The following SGCD variants were observed in gnomAD, a reference collection of about 807,000 sequenced individuals.
The protein encoded by SGCD is delta-sarcoglycan.
Under a neutral mutation model 36.6 loss-of-function variants are expected in SGCD, and 18 were observed. The observed-to-expected ratio is 0.49, with a 90% CI of 0.34 to 0.73. The LOEUF (loss-of-function observed/expected upper bound fraction) is 0.73. Ranked by LOEUF, SGCD falls within the 30% of genes least tolerant of loss-of-function variation. The pLI, the probability that SGCD is intolerant of heterozygous loss-of-function variation, is 0.01. For missense variants in SGCD, 387 were observed against 346.7 expected, an observed-to-expected ratio of 1.12 and a Z score of -0.92; for synonymous variants, 133 against 130.6, an observed-to-expected ratio of 1.02 and a Z score of -0.12.
At chr5:156,256,482 A>G (rs762253154) in intron 3 of SGCD, among the ~76,000 whole-genome samples, 21 of 152,190 alleles carry the variant, frequency 1.4e-4, no homozygotes, top group Non-Finnish European at 2.6e-4. Context: ...CGACCAAAGC[A>G]TCCAGTTGTC....
At chr5:156,343,598 C>A (rs761435427) in intron 2 of SGCD, among the ~76,000 whole-genome samples, 50 of 152,152 alleles carry the variant, frequency 3.3e-4, no homozygotes, top group Non-Finnish European at 4.9e-4. Flanking sequence ...TTTGTGTTGA[C>A]AATTAGTAAT....
chr5:156,369,270 T>G (rs1404616499), intron 3 of SGCD, among the ~76,000 whole-genome samples: 1 of 152,216 alleles, frequency 6.6e-6, no homozygotes, highest in Non-Finnish European at 1.5e-5. Context: ...TTGTTTTTCT[T>G]TATGTCCCTT....
At chr5:156,227,369 A>C (rs1449928469) in intron 3 of SGCD, among the ~76,000 whole-genome samples, 1 of 151,864 alleles carries the variant, frequency 6.6e-6, no homozygotes, top group Non-Finnish European at 1.5e-5. Flanking sequence ...TCCTTTCTCC[A>C]CTTCATGTTT....
intron 4 of SGCD, among the ~76,000 whole-genome samples, chr5:156,547,056 G>T (rs1758603541): frequency 6.6e-6 from 1 of 152,144 alleles, no homozygotes; most frequent in African/African-American, 2.4e-5. Flanking sequence ...CTATTTTGAA[G>T]TAGTTGTATT....
intron 4 of SGCD, among the ~76,000 whole-genome samples, chr5:156,540,354 G>A (rs987319455): frequency 6.6e-6 from 1 of 151,910 alleles, no homozygotes; most frequent in Non-Finnish European, 1.5e-5. Flanking sequence ...TCATTTAGAG[G>A]GGAAGTAAAA....
At chr5:156,723,298 C>G (rs1385119012) in intron 7 of SGCD, among the ~76,000 whole-genome samples, 2 of 152,216 alleles carry the variant, frequency 1.3e-5, no homozygotes. Context: ...CTCTGTCACA[C>G]ATTCATTCAG....
chr5:156,554,070 T>G (rs1468376357), intron 4 of SGCD, among the ~76,000 whole-genome samples: 1 of 152,138 alleles, frequency 6.6e-6, no homozygotes, highest in Non-Finnish European at 1.5e-5. Context: ...ATAAGACATT[T>G]TGAGACCAGG....
rs114443672 is a variant in SGCD, at chr5:156,757,243, C to T, written c.576-338C>T. On this transcript the variant is annotated intron_variant, in intron 7 of 8. Coordinates refer to ENST00000337851, the MANE Select transcript of SGCD (RefSeq NM_000337.6). The stretch of plus-strand genomic sequence containing the variant: ...CAATTCCAGGAAGCTCGGTTTAGAT[C>T]CGGGATTGACTTACTTTTACAAAAA... Among the ~76,000 whole-genome samples the T allele has an allele frequency of 9.6e-3, 1,036 of 107,724 alleles. 6 individuals are homozygous for T. The highest frequency in any genetic ancestry group is 0.017 in the Admixed American group (116 of 6,712). The allele number at this position is 107,724 out of a possible 152,430, so 70.7% of individuals were successfully genotyped here.
intron 3 of SGCD, among the ~76,000 whole-genome samples, chr5:156,165,195 G>A (rs969594888): frequency 3.9e-5 from 6 of 152,148 alleles, no homozygotes; most frequent in African/African-American, 9.7e-5. Flanking sequence ...TTGCATGGAG[G>A]GAGTAGAAAT....
intron 3 of SGCD, among the ~76,000 whole-genome samples, chr5:156,408,182 A>T (rs1417926280): frequency 2.0e-5 from 3 of 152,168 alleles, no homozygotes; most frequent in Non-Finnish European, 2.9e-5. Context: ...ATCTTGAAGT[A>T]TGAGTGTTTC....
chr5:156,440,054 T>G (rs1753415881), intron 3 of SGCD, among the ~76,000 whole-genome samples: 1 of 152,118 alleles, frequency 6.6e-6, no homozygotes, highest in Non-Finnish European at 1.5e-5. Flanking sequence ...CAAAATGTTG[T>G]CTAGCTGCCA....
At chr5:155,735,322 A>T in the SGCD span, among the ~76,000 whole-genome samples, 1 of 152,192 alleles carries the variant, frequency 6.6e-6, no homozygotes, top group East Asian at 1.9e-4. Flanking sequence ...GGACATTCTG[A>T]TTTATAAGTT....
At chr5:156,237,672 G>A (rs1288173295) in intron 3 of SGCD, among the ~76,000 whole-genome samples, 2 of 152,080 alleles carry the variant, frequency 1.3e-5, no homozygotes, top group African/African-American at 4.8e-5. Context: ...AAGGGACAGA[G>A]GATCCTATTA....
chr5:155,823,962 A>T, the SGCD span, among the ~76,000 whole-genome samples: 2 of 152,216 alleles, frequency 1.3e-5, no homozygotes, highest in African/African-American at 2.4e-5. Context: ...CATAGGGGGA[A>T]GGAAATCATT....
rs1472430790 is a variant in SGCD, at chr5:156,052,211, C to T, written c.-281-65667C>T. ...ATGTCGTGAACTTCCTGAGGCTCCA[C>T]CTCAGTAGACAGGCTGGTTGGAGTT... On this transcript the variant is annotated intron_variant, in intron 1 of 9. Transcript: ENST00000517913. Among the ~76,000 whole-genome samples, 3 of 146,032 alleles carry T rather than the reference C, an allele frequency of 2.1e-5. No individual in the cohort carries two copies. In the East Asian group the frequency reaches 5.8e-4, roughly 28 times the overall value.
the SGCD span, among the ~76,000 whole-genome samples, chr5:155,851,203 G>A: frequency 0.014 from 2,113 of 152,238 alleles, 55 homozygotes; most frequent in African/African-American, 0.048. Context: ...ATGGCGACAT[G>A]CAGTGTGTTC....
At chr5:156,439,789 TC>T (rs1185135839) in intron 3 of SGCD, among the ~76,000 whole-genome samples, 1 of 152,138 alleles carries the variant, frequency 6.6e-6, no homozygotes, top group Non-Finnish European at 1.5e-5. Flanking sequence ...TGCAGGATGC[TC>T]CACTTAATTA....
In SGCD at chr5:156,059,554, C is replaced by A. The variant is rs570671089; in HGVS notation, c.-281-58324C>A. Among the ~76,000 whole-genome samples, 25 of 146,484 alleles carry A rather than the reference C, an allele frequency of 1.7e-4. 4 individuals are homozygous for A. Among genetic ancestry groups the A allele is most frequent in the African/African-American group, 5.4e-4 (22 of 40,764 alleles). On this transcript the variant is annotated intron_variant, in intron 1 of 9. Coordinates refer to the SGCD transcript ENST00000517913. Reference sequence around the variant, plus strand: ...GTGCATTGGCAGGGGACCCTATGACCAGTGCAAGGTAAGATAGTGTGGTGT... The same window carrying A: ...GTGCATTGGCAGGGGACCCTATGACAAGTGCAAGGTAAGATAGTGTGGTGT...
intron 7 of SGCD, among the ~76,000 whole-genome samples, chr5:156,750,324 C>T (rs1333394696): frequency 6.6e-6 from 1 of 152,070 alleles, no homozygotes; most frequent in African/African-American, 2.4e-5. Context: ...GTTCTCATTT[C>T]TTTACTTCTA....
Sources: allele counts gnomAD v4.1 joint callset (sites outside exome capture counted in the v4.1 genomes callset), GRCh38; gene constraint gnomAD v4.1.1; transcripts MANE v1.5; gene names NCBI Gene and HGNC (gene_info 2026-07-23, HGNC 2026-07-21).